Variants in PRKDC observed in about 807,000 individuals in gnomAD.
PRKDC encodes protein kinase, DNA-activated, catalytic subunit.
PRKDC carries 82 observed loss-of-function variants against 486.9 expected under a neutral mutation model. The ratio of observed to expected loss-of-function variants is 0.17; its 90% CI spans 0.14 to 0.20. PRKDC has a LOEUF of 0.20. Ranked by LOEUF, PRKDC falls within the 10% of genes least tolerant of loss-of-function variation. The probability of loss-of-function intolerance (pLI) is 1.00; values close to 1 mark genes in which losing one functional copy is unlikely to be tolerated. For synonymous variants in PRKDC, 1,895 were observed against 1,837.0 expected (o/e 1.03, Z -0.81); for missense variants, 4,504 against 5,038.2 (o/e 0.89, Z 3.21).
In PRKDC at chr8:47,935,035, A is replaced by T; in HGVS notation, c.1471T>A (p.Cys491Ser). ...TTTGGAAGGACCACTGGTTTAGAAC[A>T]TATTCTGATTAAACCCTGATGCACT... Reference protein sequence around the residue: ...TVVHQGLIRICSKPVVLPKGP... With the variant: ...TVVHQGLIRISSKPVVLPKGP... Residue 491 changes from cysteine (C) to serine (S), a missense_variant, in exon 14 of 86, where the codon TGT (cysteine) becomes AGT (serine). By Grantham distance (112) the Cys-to-Ser change is moderately radical. This residue lies in a region of PRKDC where 1,969 missense variants were observed against 2,068.9 expected (regional missense o/e 0.95). Coordinates refer to ENST00000314191, the MANE Select transcript of PRKDC (RefSeq NM_006904.7). The T allele has an allele frequency of 6.6e-7, 1 of 1,526,448 alleles. No homozygotes were observed. Among genetic ancestry groups the T allele is most frequent in the Non-Finnish European group, 8.9e-7 (1 of 1,129,042 alleles). 94.6% of individuals were successfully genotyped at this position (1,526,448 alleles called of 1,614,324 possible).
intron 68 of PRKDC, 61 bp from the exon 69 acceptor site, chr8:47,807,387 A>G: frequency 7.5e-7 from 1 of 1,333,602 alleles, no homozygotes; most frequent in Non-Finnish European, 1.0e-6. Context: ...CTGGATAGCA[A>G]TTACAGGCAG....
intron 59 of PRKDC, among the ~76,000 whole-genome samples, chr8:47,832,713 A>T (rs2087915112): frequency 6.6e-6 from 1 of 152,212 alleles, no homozygotes; most frequent in Non-Finnish European, 1.5e-5. Flanking sequence ...AAGAGAAAAC[A>T]GCAAACTGAG....
chr8:47,953,036 G>A (rs1018247281), intron 7 of PRKDC, among the ~76,000 whole-genome samples: 13 of 152,156 alleles, frequency 8.5e-5, no homozygotes, highest in African/African-American at 2.9e-4. Flanking sequence ...AGGTACTCGG[G>A]AGGCTGAGGC....
intron 57 of PRKDC, among the ~76,000 whole-genome samples, chr8:47,836,982 T>C (rs2088039124): frequency 6.6e-6 from 1 of 152,032 alleles, no homozygotes; most frequent in African/African-American, 2.4e-5. Context: ...TTGGGAGGAA[T>C]GAGGGGAGGG....
chr8:47,864,866 T>C, intron 40 of PRKDC, 103 bp from the exon 41 acceptor site: 1 of 1,051,062 alleles, frequency 9.5e-7, no homozygotes, highest in South Asian at 2.1e-5. Context: ...GATTACAAAT[T>C]ACAAAAATAA....
intron 40 of PRKDC, among the ~76,000 whole-genome samples, chr8:47,875,594 T>C (rs1165519744): frequency 6.6e-6 from 1 of 152,220 alleles, no homozygotes; most frequent in Admixed American, 6.5e-5. Flanking sequence ...TGCATCACAT[T>C]TGGATAAGCT....
chr8:47,915,274 C>A, intron 23 of PRKDC, 54 bp downstream of exon 23: 1 of 1,055,832 alleles, frequency 9.5e-7, no homozygotes, highest in Admixed American at 2.9e-5. Context: ...TGGATACATC[C>A]AAATAAAAGC....
intron 12 of PRKDC, among the ~76,000 whole-genome samples, 163 bp from the exon 13 acceptor site, chr8:47,936,063 TA>T (rs529219780): frequency 5.4e-5 from 8 of 148,490 alleles, no homozygotes; most frequent in Non-Finnish European, 7.5e-5. Flanking sequence ...GTGATTGCCT[TA>T]AAAAAAAAAC....
rs1403828931 is a variant in PRKDC, at chr8:47,828,245, G to C, written c.8500C>G (p.Gln2834Glu). 1.2e-6 allele frequency: 2 copies of C among 1,613,350 alleles called. No homozygotes were observed. Among genetic ancestry groups the C allele is most frequent in the Non-Finnish European group, 1.7e-6 (2 of 1,179,658 alleles). Residue 2834 changes from glutamine (Q) to glutamate (E), a missense_variant, in exon 62 of 86, where the codon CAA (glutamine) becomes GAA (glutamate). Around this residue, in one of 6 missense-constraint regions of PRKDC, gnomAD observed 1,592 missense variants for 1,724.6 expected, o/e 0.92. Coordinates refer to ENST00000314191, the MANE Select transcript of PRKDC (RefSeq NM_006904.7). Reference protein sequence around the residue: ...KTLSEKNNITQKLLQDFNRFL... With the variant: ...KTLSEKNNITEKLLQDFNRFL... ...CGATTGAAGTCTTGAAGCAACTTTT[G>C]AGTGATGTTGTTTTTTTCAGACAGT...
In PRKDC at chr8:47,820,704, A is replaced by AT. The variant is rs1397538360; in HGVS notation, c.9336+14_9336+15insA. ...TATATATATACAAGCATATATATAT[A>AT]ATATATAGTATTACCTGCATAAAAC... is the stretch of plus-strand genomic sequence containing the variant. On this transcript the variant is annotated intron_variant, in intron 66 of 85. Coordinates refer to ENST00000314191, the MANE Select transcript of PRKDC (RefSeq NM_006904.7). 5.4e-6 allele frequency: 7 copies of AT among 1,304,346 alleles called. No individual in the cohort carries two copies. The highest frequency in any genetic ancestry group is 4.6e-5 in the Admixed American group (2 of 43,714). The allele number at this position is 1,304,346 out of a possible 1,614,324, so 80.8% of individuals were successfully genotyped here. A position where few individuals can be genotyped will look rare whatever the true frequency, so the allele number is the denominator to read the frequency against.
At chr8:47,874,841 GC>G (rs547829511) in intron 40 of PRKDC, among the ~76,000 whole-genome samples, 77 of 152,196 alleles carry the variant, frequency 5.1e-4, no homozygotes, top group Admixed American at 1.4e-3. Flanking sequence ...GATCGCTTGA[GC>G]CCAGGAGTTC....
At position 47,918,397 on chromosome 8, in the gene PRKDC, A is replaced by AT; in HGVS notation, c.2420-15_2420-14insA. ...TCTTGGTCTCATCTATCAATAGTAA[A>AT]CGAAAATAAATTTAAAATAGCACTC... On this transcript the variant is annotated splice_polypyrimidine_tract_variant and intron_variant, in intron 21 of 85. Transcript: ENST00000314191. 2 of 1,473,350 alleles carry AT rather than the reference A, an allele frequency of 1.4e-6. No individual in the cohort carries two copies. Among genetic ancestry groups the AT allele is most frequent in the Non-Finnish European group, 1.8e-6 (2 of 1,095,848 alleles). The allele number at this position is 1,473,350 out of a possible 1,614,324, so 91.3% of individuals were successfully genotyped here. A position where few individuals can be genotyped will look rare whatever the true frequency, so the allele number is the denominator to read the frequency against.
At chr8:47,899,553 G>C (rs1337167096) in intron 28 of PRKDC, among the ~76,000 whole-genome samples, 1 of 152,232 alleles carries the variant, frequency 6.6e-6, no homozygotes, top group Non-Finnish European at 1.5e-5. Flanking sequence ...TGAGGCAGGA[G>C]AATCGCTTGA....
intron 66 of PRKDC, among the ~76,000 whole-genome samples, chr8:47,820,370 T>C (rs148988423): frequency 6.6e-6 from 1 of 151,990 alleles, no homozygotes; most frequent in African/African-American, 2.4e-5. Flanking sequence ...AAAGAGAAAC[T>C]TGGTCTCAAA....
At chr8:47,870,891 T>C (rs2088936175) in intron 40 of PRKDC, among the ~76,000 whole-genome samples, 1 of 151,656 alleles carries the variant, frequency 6.6e-6, no homozygotes, top group South Asian at 2.1e-4. Context: ...ATTGAAAAAA[T>C]TAAAAAGAAT....
At chr8:47,940,243 A>G (rs930595615) in intron 10 of PRKDC, among the ~76,000 whole-genome samples, 1 of 152,256 alleles carries the variant, frequency 6.6e-6, no homozygotes, top group Non-Finnish European at 1.5e-5. Context: ...TACAAACTAT[A>G]AAGCTTAAAT....
At chr8:47,806,546 A>G (rs950352362) in intron 69 of PRKDC, among the ~76,000 whole-genome samples, 3 of 152,264 alleles carry the variant, frequency 2.0e-5, no homozygotes, top group African/African-American at 7.2e-5. Context: ...TTGCAATAGC[A>G]ATTGATAGAG....
Position 47,934,059 on chromosome 8 carries a change from G to T in PRKDC, c.1529C>A (p.Ala510Asp), listed in dbSNP as rs1408325203. ...GPESESEDHR[A>D]SGEVRTGKWK... Reference sequence around the variant, plus strand: ...TTTGCCAGTTCTGACTTCCCCTGAAGCACGGTGGTCTTCAGATTCAGACTC... The same window carrying T: ...TTTGCCAGTTCTGACTTCCCCTGAATCACGGTGGTCTTCAGATTCAGACTC... Residue 510 changes from alanine to aspartate, a missense_variant, in exon 15 of 86, where the codon GCT (alanine) becomes GAT (aspartate). Coordinates refer to ENST00000314191, the MANE Select transcript of PRKDC (RefSeq NM_006904.7). The T allele has an allele frequency of 1.2e-6, 2 of 1,613,758 alleles. No individual in the cohort carries two copies. Among genetic ancestry groups the T allele is most frequent in the Admixed American group, 3.3e-5 (2 of 60,002 alleles).
At chr8:47,895,850 C>A (rs758135058) in intron 30 of PRKDC, among the ~76,000 whole-genome samples, 9 of 152,132 alleles carry the variant, frequency 5.9e-5, no homozygotes, top group Non-Finnish European at 8.8e-5. Context: ...ACCAGACTGG[C>A]CAACATGGTG....
Sources: allele counts gnomAD v4.1 joint callset (sites outside exome capture counted in the v4.1 genomes callset), GRCh38; gene constraint gnomAD v4.1.1; regional missense constraint gnomAD v4.1.1; transcripts MANE v1.5; gene names NCBI Gene and HGNC (gene_info 2026-07-23, HGNC 2026-07-21).